PHLPP1: variants seen among roughly 807,000 people sequenced by gnomAD.
The protein encoded by PHLPP1 is PH domain leucine-rich repeat-containing protein phosphatase 1.
PHLPP1 carries 42 observed loss-of-function variants against 117.2 expected under a neutral mutation model. The observed-to-expected ratio is 0.36, with a 90% confidence interval of 0.28 to 0.46. The LOEUF (loss-of-function observed/expected upper bound fraction) is 0.46. Ranked by LOEUF, PHLPP1 falls within the 20% of genes least tolerant of loss-of-function variation. The pLI is 1.00. For missense variants in PHLPP1, 2,084 were observed against 2,241.9 expected (o/e 0.93, Z 1.42); for synonymous variants, 1,042 against 970.7 (o/e 1.07, Z -1.37).
intron 1 of PHLPP1, among the ~76,000 whole-genome samples, chr18:62,785,356 T>C (rs953022818): frequency 1.3e-5 from 2 of 152,182 alleles, no homozygotes; most frequent in Non-Finnish European, 2.9e-5. Flanking sequence ...GAGTACTGTT[T>C]ATAGAGGGAG....
chr18:62,948,776 G>A (rs1374500092), intron 12 of PHLPP1, among the ~76,000 whole-genome samples: 1 of 151,692 alleles, frequency 6.6e-6, no homozygotes, highest in Non-Finnish European at 1.5e-5. Context: ...TGGACAGATA[G>A]TATTCTTGAA....
intron 2 of PHLPP1, among the ~76,000 whole-genome samples, chr18:62,836,461 AAATAAATAAATAAATAAATAAAT>A (rs1308640450): frequency 2.0e-5 from 3 of 147,630 alleles, no homozygotes; most frequent in Non-Finnish European, 4.5e-5. Flanking sequence ...ATAAATAAAT[AAATAAATAAATAAATAAATAAAT>A]AAAAATAAAT....
At chr18:62,884,085 T>C (rs1268724052) in intron 4 of PHLPP1, among the ~76,000 whole-genome samples, 1 of 152,180 alleles carries the variant, frequency 6.6e-6, no homozygotes, top group Non-Finnish European at 1.5e-5. Context: ...TGGAATACAT[T>C]ATGGTTCATT....
At chr18:62,963,231 T>C (rs1340285093) in intron 13 of PHLPP1, 137 bp from the exon 14 acceptor site, 4 of 587,052 alleles carry the variant, frequency 6.8e-6, no homozygotes, top group Admixed American at 3.0e-5. Context: ...GATAAGTATT[T>C]CAGACACATT....
intron 1 of PHLPP1, among the ~76,000 whole-genome samples, chr18:62,789,996 G>T (rs1232877548): frequency 6.6e-6 from 1 of 152,116 alleles, no homozygotes; most frequent in African/African-American, 2.4e-5. Context: ...AAGATAAATT[G>T]TGTGTGAGGC....
intron 4 of PHLPP1, among the ~76,000 whole-genome samples, chr18:62,877,235 C>G (rs1020797626): frequency 3.1e-4 from 47 of 152,222 alleles, no homozygotes; most frequent in African/African-American, 1.1e-3. Flanking sequence ...TACCAAAAGC[C>G]CACATTTCCA....
chr18:62,969,759 TTGTC>T (rs1259471952), intron 14 of PHLPP1, among the ~76,000 whole-genome samples: 4 of 152,238 alleles, frequency 2.6e-5, no homozygotes, highest in Non-Finnish European at 4.4e-5. Flanking sequence ...GAAATATACT[TTGTC>T]TGATATTAAC....
chr18:62,812,655 C>T (rs528271263), intron 1 of PHLPP1, among the ~76,000 whole-genome samples: 4 of 151,780 alleles, frequency 2.6e-5, no homozygotes, highest in African/African-American at 9.7e-5. Context: ...ATTGTTTCAG[C>T]GAAGTTCAGT....
At chr18:62,917,418 G>GTGTGTGTC (rs1909323721) in intron 9 of PHLPP1, among the ~76,000 whole-genome samples, 1 of 151,210 alleles carries the variant, frequency 6.6e-6, no homozygotes, top group Non-Finnish European at 1.5e-5. Flanking sequence ...GTGTGTGTGT[G>GTGTGTGTC]TGTGTGTGTG....
intron 4 of PHLPP1, among the ~76,000 whole-genome samples, chr18:62,863,122 G>A (rs1052644293): frequency 6.6e-6 from 1 of 151,398 alleles, no homozygotes; most frequent in Non-Finnish European, 1.5e-5. Context: ...TACTCCATAG[G>A]CAAAGCAGCC....
rs1251212231 is a variant in PHLPP1, at chr18:62,978,124, C to G, written c.3985-138C>G. ...CATTAACTACTCACTACAGAGTGAG[C>G]CCTTCTTTCCTCTGTGGGCCACACA... On this transcript the variant is annotated intron_variant, in intron 16 of 16. Transcript: ENST00000262719. The surrounding 1 kb of genome is among the most constrained non-coding windows in gnomAD (Gnocchi z 7.0). 2 of 602,860 alleles carry G rather than the reference C, an allele frequency of 3.3e-6. No individual in the cohort carries two copies. The highest frequency in any genetic ancestry group is 3.7e-5 in the African/African-American group (2 of 53,824). 37.3% of individuals were successfully genotyped at this position (602,860 alleles called of 1,614,324 possible).
chr18:62,752,777 TG>T (rs562440939), intron 1 of PHLPP1, among the ~76,000 whole-genome samples: 139 of 152,356 alleles, frequency 9.1e-4, no homozygotes, highest in African/African-American at 3.2e-3. Flanking sequence ...TCAAAACTTT[TG>T]GGATCATTTC....
intron 1 of PHLPP1, among the ~76,000 whole-genome samples, chr18:62,757,372 ATGT>A (rs1599028540): frequency 1.3e-5 from 2 of 152,346 alleles, no homozygotes; most frequent in East Asian, 1.9e-4. Flanking sequence ...TTTGTTAGTA[ATGT>A]TGTACTGATG....
chr18:62,721,787 T>G (rs772063573), intron 1 of PHLPP1, among the ~76,000 whole-genome samples: 2 of 152,176 alleles, frequency 1.3e-5, no homozygotes, highest in Non-Finnish European at 2.9e-5. Context: ...TGCTATAAGA[T>G]TATCAAATCA....
At chr18:62,870,712 C>G (rs1915883052) in intron 4 of PHLPP1, among the ~76,000 whole-genome samples, 1 of 152,138 alleles carries the variant, frequency 6.6e-6, no homozygotes, top group Non-Finnish European at 1.5e-5. Context: ...ATTTTTCTTT[C>G]TACTACAAAT....
At chr18:62,905,815 T>C (rs571185213) in intron 8 of PHLPP1, among the ~76,000 whole-genome samples, 1 of 152,340 alleles carries the variant, frequency 6.6e-6, no homozygotes, top group African/African-American at 2.4e-5. Context: ...TAGCTCCTTT[T>C]TGAATATGCT....
At chr18:62,727,212 A>C (rs1057036612) in intron 1 of PHLPP1, among the ~76,000 whole-genome samples, 2 of 145,836 alleles carry the variant, frequency 1.4e-5, no homozygotes, top group African/African-American at 5.1e-5. Flanking sequence ...TGGGTGACAG[A>C]GTGATACTCT....
At chr18:62,936,646 G>A (rs1017530281) in intron 10 of PHLPP1, among the ~76,000 whole-genome samples, 1 of 152,118 alleles carries the variant, frequency 6.6e-6, no homozygotes, top group African/African-American at 2.4e-5. Context: ...CCTGAGAAGG[G>A]CACAACCTCT....
intron 1 of PHLPP1, among the ~76,000 whole-genome samples, chr18:62,788,585 AAG>A (rs1174641213): frequency 2.0e-5 from 3 of 152,028 alleles, no homozygotes; most frequent in Non-Finnish European, 4.4e-5. Flanking sequence ...GTTTTTGTCA[AAG>A]AGCTGTTCTT....
Sources: allele counts gnomAD v4.1 joint callset (sites outside exome capture counted in the v4.1 genomes callset), GRCh38; gene constraint gnomAD v4.1.1; non-coding constraint Gnocchi (gnomAD v3.1); transcripts MANE v1.5; gene names NCBI Gene and HGNC (gene_info 2026-07-23, HGNC 2026-07-21).